The following DST variants were observed in gnomAD, a reference collection of about 807,000 sequenced individuals.
DST encodes the protein bullous pemphigoid antigen.
A neutral mutation model predicts 875.2 loss-of-function variants in DST; 253 were observed. The observed-to-expected ratio is 0.29, with a 90% CI of 0.26 to 0.32. The LOEUF (loss-of-function observed/expected upper bound fraction) is 0.32, where lower values mean the gene tolerates loss of function less well. Among genes scored for constraint, DST ranks in the 10% least tolerant of loss-of-function variants. The pLI, the probability that DST is intolerant of heterozygous loss-of-function variation, is 1.00. For missense variants in DST, 8,287 were observed against 9,111.6 expected (o/e 0.91, Z 3.68); for synonymous variants, 3,124 against 3,197.1 (o/e 0.98, Z 0.77).
chr6:56,940,489 A>C, intron 2 of DST, among the ~76,000 whole-genome samples: 1 of 152,032 alleles, frequency 6.6e-6, no homozygotes, highest in Non-Finnish European at 1.5e-5. Flanking sequence ...CAATGTTAAT[A>C]TTATATTTTT....
chr6:56,703,057 G>A (rs773994179), intron 7 of DST, among the ~76,000 whole-genome samples: 2 of 152,168 alleles, frequency 1.3e-5, no homozygotes. Context: ...AAGGTAGGCT[G>A]CAGTCAACTA....
At chr6:56,726,256 T>G (rs1261963633) in intron 5 of DST, among the ~76,000 whole-genome samples, 1 of 152,230 alleles carries the variant, frequency 6.6e-6, no homozygotes, top group Admixed American at 6.5e-5. Context: ...TTTCATTTCC[T>G]TTGCTATTTG....
chr6:56,642,250 C>G lies in DST; in HGVS notation c.1873-149G>C. ...AAAAATATGTTTTCCCTCTTCTTGTCTCTCAAGAGAGCAAACACCAATCAT... is the reference window on the plus strand; with the variant it reads ...AAAAATATGTTTTCCCTCTTCTTGTGTCTCAAGAGAGCAAACACCAATCAT... On this transcript the variant is annotated intron_variant, in intron 16 of 103. Coordinates refer to ENST00000680361, the MANE Select transcript of DST (RefSeq NM_001374736.1). The G allele has an allele frequency of 3.4e-6, 3 of 876,828 alleles. No homozygotes were observed. The Admixed American group carries it at 6.1e-5, about 18-fold the overall frequency. The allele number at this position is 876,828 out of a possible 1,614,324, so 54.3% of individuals were successfully genotyped here.
In DST at chr6:56,529,687, C is replaced by G. The variant is rs2096862079; in HGVS notation, c.17356G>C (p.Glu5786Gln). Reference protein sequence around the residue: ...GQSLKVLSSREDKDMVQSKLD... With the variant: ...GQSLKVLSSRQDKDMVQSKLD... The stretch of plus-strand genomic sequence containing the variant: ...TTACTCTGCACCATATCTTTATCCT[C>G]CCTGGAGCTCAAAACCTTTAAGGAC... Residue 5786 changes from glutamate to glutamine, a missense_variant, in exon 66 of 104, where the codon GAG becomes CAG. Physicochemically the swap from Glu to Gln is conservative, Grantham distance 29 (BLOSUM62 2). Coordinates refer to ENST00000680361, the MANE Select transcript of DST (RefSeq NM_001374736.1). The G allele has an allele frequency of 1.2e-6, 2 of 1,613,442 alleles. No homozygotes were observed. Among genetic ancestry groups the G allele is most frequent in the Non-Finnish European group, 1.7e-6 (2 of 1,179,726 alleles).
Position 56,592,213 on chromosome 6 carries a change from T to C in DST, c.12872A>G (p.Lys4291Arg), listed in dbSNP as rs2098289415. The C allele has an allele frequency of 1.9e-6, 3 of 1,613,692 alleles. No homozygotes were observed. Among genetic ancestry groups the C allele is most frequent in the East Asian group, 4.5e-5 (2 of 44,834 alleles). ...CTCTTCTAATTGCCTTTGAAGATTT[T>C]TGGGGTCCACCGCAATAGGTTCAGA... ...HLSEPIAVDP[K>R]NLQRQLEETK... The change falls in exon 49 of 104, where the codon AAA (lysine) becomes AGA (arginine). Residue 4291 changes from lysine to arginine, a missense_variant. Physicochemically the swap from Lys to Arg is conservative, Grantham distance 26. Around this residue, in one of 10 missense-constraint regions of DST, gnomAD observed 1,513 missense variants for 1,677.8 expected, o/e 0.90. Transcript: ENST00000680361.
chr6:56,833,558 T>C (rs1417955440), intron 4 of DST, among the ~76,000 whole-genome samples: 1 of 152,118 alleles, frequency 6.6e-6, no homozygotes, highest in African/African-American at 2.4e-5. Context: ...TAGACTCAAG[T>C]GTTATAAAGC....
rs541176748 is a variant in DST, at chr6:56,719,116, C to T, written c.688-14747G>A. ...CACTCCTTTTGAAAAAATGGAGTGACAGCAGTGTTCACACATGAAAAATAT... is the reference window on the plus strand; with the variant it reads ...CACTCCTTTTGAAAAAATGGAGTGATAGCAGTGTTCACACATGAAAAATAT... On this transcript the variant is annotated intron_variant, in intron 5 of 103. Coordinates refer to ENST00000680361, the MANE Select transcript of DST (RefSeq NM_001374736.1). Among the ~76,000 whole-genome samples, 32 of 152,108 alleles carry T rather than the reference C, an allele frequency of 2.1e-4. No individual in the cohort carries two copies. In the South Asian group the frequency reaches 2.3e-3, roughly 11 times the overall value.
chr6:56,909,891 A>G (rs946800363), intron 2 of DST, among the ~76,000 whole-genome samples: 8 of 152,204 alleles, frequency 5.3e-5, no homozygotes, highest in African/African-American at 1.4e-4. Context: ...GGATTAGAGC[A>G]ATTTAACTGT....
At chr6:56,464,313 A>C in intron 100 of DST, 1 of 281,572 alleles carries the variant, frequency 3.6e-6, no homozygotes, top group Non-Finnish European at 6.7e-6. Flanking sequence ...TGAGGCAGCT[A>C]GTATTTTTAT....
chr6:56,766,197 T>G (rs1320585403), intron 4 of DST, among the ~76,000 whole-genome samples: 1 of 152,228 alleles, frequency 6.6e-6, no homozygotes, highest in Non-Finnish European at 1.5e-5. Context: ...TAATACAATT[T>G]CTATGATACA....
chr6:56,682,471 T>C (rs1232012272), intron 9 of DST, among the ~76,000 whole-genome samples: 1 of 152,248 alleles, frequency 6.6e-6, no homozygotes, highest in Non-Finnish European at 1.5e-5. Flanking sequence ...TGCTTTTCTT[T>C]TTCCGTCATT....
chr6:56,618,394 T>C, intron 36 of DST: 1 of 1,614,214 alleles, frequency 6.2e-7, no homozygotes, highest in South Asian at 1.1e-5. Context: ...TCTCAAAATC[T>C]GGTTTGAAGG....
rs537239440 is a variant in DST at position 56,724,986 on chromosome 6, T to G, written c.687+10242A>C. ...GGCTGTTTTACACACACACACACAC[T>G]GTGTAACAGGCACTGTGTTCAAAAT... On this transcript the variant is annotated intron_variant, in intron 5 of 103. Transcript: ENST00000680361. Among the ~76,000 whole-genome samples, 6 of 150,206 alleles carry G rather than the reference T, an allele frequency of 4.0e-5. No homozygotes were observed. The South Asian group carries it at 1.0e-3, about 26-fold the overall frequency.
intron 5 of DST, among the ~76,000 whole-genome samples, chr6:56,729,285 A>G (rs2099486503): frequency 6.6e-6 from 1 of 152,186 alleles, no homozygotes; most frequent in Non-Finnish European, 1.5e-5. Context: ...TATAAAGTTG[A>G]TGCTTCAAAA....
At position 56,601,314 on chromosome 6, in the gene DST, A is replaced by G. The variant is rs2098443788; in HGVS notation, c.11541+129T>C. ...TATTGTTATACACTGTAGGATTTGT[A>G]TGTACACTGTATCTTATCCATTAAT... is the stretch of plus-strand genomic sequence containing the variant. On this transcript the variant is annotated intron_variant, in intron 44 of 103. Transcript: ENST00000680361. The G allele has an allele frequency of 4.8e-6, 3 of 625,340 alleles. No homozygotes were observed. The South Asian group carries it at 6.0e-5, about 13-fold the overall frequency. The allele number at this position is 625,340 out of a possible 1,614,324, so 38.7% of individuals were successfully genotyped here.
Position 56,640,365 on chromosome 6 carries a change from G to A in DST, c.2268C>T (p.Ser756=), listed in dbSNP as rs1054499790. ...MTSGLSSGMT[S]RLTPSVTPAY... ...CTGGAGTGACAGATGGAGTCAGGCG[G>A]GAAGTCATCCCTGATGACAGGCCAG... The change falls in exon 18 of 104, where the codon TCC becomes TCT. Residue 756 remains serine (S), a synonymous_variant. Transcript: ENST00000680361. 1.2e-6 allele frequency: 2 copies of A among 1,614,026 alleles called. No individual in the cohort carries two copies. Among genetic ancestry groups the A allele is most frequent in the Non-Finnish European group, 1.7e-6 (2 of 1,180,028 alleles).
intron 4 of DST, among the ~76,000 whole-genome samples, chr6:56,774,248 C>T (rs1406168796): frequency 6.6e-6 from 1 of 152,140 alleles, no homozygotes; most frequent in Non-Finnish European, 1.5e-5. Flanking sequence ...TCTACCTGAC[C>T]CAAACTTACC....
At chr6:56,611,737 A>T in intron 37 of DST, 141 bp from the exon 38 acceptor site, 1 of 617,238 alleles carries the variant, frequency 1.6e-6, no homozygotes, top group South Asian at 2.0e-5. Context: ...CCTATCAGTT[A>T]TTAGCAGTCT....
intron 25 of DST, 23 bp downstream of exon 25, chr6:56,634,778 C>T: frequency 6.2e-7 from 1 of 1,612,960 alleles, no homozygotes; most frequent in Non-Finnish European, 8.5e-7. Flanking sequence ...AGAAACTGGT[C>T]TGTTTCTAGG....
Sources: allele counts gnomAD v4.1 joint callset (sites outside exome capture counted in the v4.1 genomes callset), GRCh38; gene constraint gnomAD v4.1.1; regional missense constraint gnomAD v4.1.1; transcripts MANE v1.5; gene names NCBI Gene and HGNC (gene_info 2026-07-23, HGNC 2026-07-21).